OCA2: variants seen among roughly 807,000 people sequenced by gnomAD.
OCA2 encodes the protein OCA2 melanosomal transmembrane protein.
A neutral mutation model predicts 100.2 loss-of-function variants in OCA2; 77 were observed. The ratio of observed to expected loss-of-function variants is 0.77; its 90% CI spans 0.64 to 0.93. The LOEUF (loss-of-function observed/expected upper bound fraction) is 0.93. Ranked by LOEUF, OCA2 falls within the 40% of genes least tolerant of loss-of-function variation. The probability of loss-of-function intolerance (pLI) is 0.00; values close to 1 mark genes in which losing one functional copy is unlikely to be tolerated. For synonymous variants in OCA2, 432 were observed against 439.2 expected (o/e 0.98, Z 0.21); for missense variants, 1,062 against 1,089.1 (o/e 0.98, Z 0.35).
At chr15:27,774,177 C>A (rs1418141731) in intron 23 of OCA2, among the ~76,000 whole-genome samples, 1 of 152,186 alleles carries the variant, frequency 6.6e-6, no homozygotes, top group Non-Finnish European at 1.5e-5. Context: ...TCACCAAGTC[C>A]CTCAAATCTG....
chr15:27,801,869 G>A (rs868401174), intron 23 of OCA2, among the ~76,000 whole-genome samples: 1 of 152,062 alleles, frequency 6.6e-6, no homozygotes, highest in Middle Eastern at 3.4e-3. Flanking sequence ...AAGTATTTGT[G>A]CTTCCTGGCT....
chr15:28,000,142 C>G (rs2041882443), intron 9 of OCA2, among the ~76,000 whole-genome samples: 1 of 152,056 alleles, frequency 6.6e-6, no homozygotes, highest in Non-Finnish European at 1.5e-5. Context: ...ACAGAAGACC[C>G]TACATAGCCA....
At chr15:27,787,562 T>A (rs968588821) in intron 23 of OCA2, among the ~76,000 whole-genome samples, 1 of 152,022 alleles carries the variant, frequency 6.6e-6, no homozygotes, top group Non-Finnish European at 1.5e-5. Flanking sequence ...TTTATAATAC[T>A]TATAACTTTT....
intron 23 of OCA2, among the ~76,000 whole-genome samples, chr15:27,783,871 G>A (rs776672318): frequency 1.6e-4 from 24 of 152,174 alleles, no homozygotes; most frequent in African/African-American, 2.7e-4. Flanking sequence ...TGTCCAGGAC[G>A]TCCTTATGGG....
intron 23 of OCA2, among the ~76,000 whole-genome samples, chr15:27,793,638 C>G (rs985681546): frequency 2.6e-5 from 4 of 152,222 alleles, no homozygotes; most frequent in African/African-American, 9.7e-5. Context: ...CCATCCCGCT[C>G]ACGTGCACAT....
At chr15:27,864,317 T>G (rs537457127) in intron 21 of OCA2, among the ~76,000 whole-genome samples, 1 of 152,356 alleles carries the variant, frequency 6.6e-6, no homozygotes, top group South Asian at 2.1e-4. Flanking sequence ...TAGTGCCAAC[T>G]GCTCATGTTA....
intron 23 of OCA2, among the ~76,000 whole-genome samples, chr15:27,836,083 C>T (rs192902277): frequency 1.8e-4 from 28 of 152,268 alleles, no homozygotes; most frequent in African/African-American, 3.6e-4. Context: ...GACAGCCCTG[C>T]GATGCTCCTA....
intron 23 of OCA2, among the ~76,000 whole-genome samples, chr15:27,800,893 G>C (rs2151172721): frequency 6.7e-6 from 1 of 148,256 alleles, no homozygotes; most frequent in South Asian, 2.3e-4. Flanking sequence ...GCTTGAGGCT[G>C]GGAGGTCCAG....
the OCA2 span, among the ~76,000 whole-genome samples, chr15:27,724,241 G>C: frequency 6.6e-6 from 1 of 152,160 alleles, no homozygotes; most frequent in South Asian, 2.1e-4. Flanking sequence ...CAATTCTGGA[G>C]GCTGGAAGGC....
chr15:27,868,558 G>A (rs2036418595), intron 21 of OCA2, among the ~76,000 whole-genome samples: 2 of 152,106 alleles, frequency 1.3e-5, no homozygotes, highest in African/African-American at 2.4e-5. Flanking sequence ...GCTGTCGGGG[G>A]TGGAGGGAGG....
At chr15:27,832,973 C>G (rs907347953) in intron 23 of OCA2, among the ~76,000 whole-genome samples, 1 of 150,584 alleles carries the variant, frequency 6.6e-6, no homozygotes, top group Non-Finnish European at 1.5e-5. Flanking sequence ...GCCACCACGC[C>G]CAGCTGATTT....
In OCA2 at chr15:27,926,139, A is replaced by G; in HGVS notation, c.2067T>C (p.Phe689=). The G allele has an allele frequency of 6.2e-7, 1 of 1,614,164 alleles. No individual in the cohort carries two copies. Among genetic ancestry groups the G allele is most frequent in the Non-Finnish European group, 8.5e-7 (1 of 1,180,002 alleles). Reference sequence around the variant, plus strand: ...TCTAAAATCTTACCTCCATCAGAACAAAGAGCGCTGCAAAAAACAGAAGGG... The same window carrying G: ...TCTAAAATCTTACCTCCATCAGAACGAAGAGCGCTGCAAAAAACAGAAGGG... ...WATLLFFAAL[F]VLMEALAHLH... The change falls in exon 19 of 24, where the codon TTT becomes TTC. Residue 689 remains phenylalanine, a synonymous_variant. Coordinates refer to ENST00000354638, the MANE Select transcript of OCA2 (RefSeq NM_000275.3).
intron 23 of OCA2, among the ~76,000 whole-genome samples, chr15:27,774,924 A>C (rs548545632): frequency 1.2e-4 from 18 of 152,262 alleles, no homozygotes; most frequent in Non-Finnish European, 2.4e-4. Flanking sequence ...ACAGAAATAC[A>C]TGTCTGTTGT....
At chr15:28,050,171 G>C (rs923916512) in intron 2 of OCA2, among the ~76,000 whole-genome samples, 1 of 152,114 alleles carries the variant, frequency 6.6e-6, no homozygotes, top group Admixed American at 6.5e-5. Context: ...TGTAGTCCCA[G>C]CTACTCAGGA....
chr15:28,040,031 C>CAAA (rs57662493), intron 2 of OCA2, among the ~76,000 whole-genome samples: 1 of 107,004 alleles, frequency 9.3e-6, no homozygotes. Flanking sequence ...GACTCCATCT[C>CAAA]AAAAAAAAAA....
chr15:27,728,916 A>C, the OCA2 span, among the ~76,000 whole-genome samples: 1 of 152,198 alleles, frequency 6.6e-6, no homozygotes, highest in Admixed American at 6.5e-5. Flanking sequence ...GGAAGGACTG[A>C]GAGTTTTTCA....
In OCA2 at chr15:28,075,868, A is replaced by T. The variant is rs543722270; in HGVS notation, c.227+5780T>A. ...AAAACAGAAAACAGATTGATGGTTA[A>T]CAAGTGCTGACGGGAAAAGGAAGCA... On this transcript the variant is annotated intron_variant, in intron 2 of 23. Coordinates refer to ENST00000354638, the MANE Select transcript of OCA2 (RefSeq NM_000275.3). 2.0e-5 allele frequency among the ~76,000 whole-genome samples: 3 copies of T among 152,362 alleles called. No individual in the cohort carries two copies. In the South Asian group the frequency reaches 6.2e-4, roughly 32 times the overall value.
At chr15:27,963,126 A>C (rs2040460175) in intron 15 of OCA2, among the ~76,000 whole-genome samples, 1 of 152,214 alleles carries the variant, frequency 6.6e-6, no homozygotes, top group Non-Finnish European at 1.5e-5. Flanking sequence ...AACTTTTAAA[A>C]TGCATAAAGC....
intron 19 of OCA2, among the ~76,000 whole-genome samples, chr15:27,885,761 T>TGAGTATTGA (rs61493057): frequency 0.44 from 66,334 of 151,596 alleles, 16,861 homozygotes; most frequent in African/African-American, 0.69. Flanking sequence ...ATTTGTTTGA[T>TGAGTATTGA]GTGCTTACTA....
Sources: allele counts gnomAD v4.1 joint callset (sites outside exome capture counted in the v4.1 genomes callset), GRCh38; gene constraint gnomAD v4.1.1; transcripts MANE v1.5; gene names NCBI Gene and HGNC (gene_info 2026-07-23, HGNC 2026-07-21).